Variants in NUDCD1 observed in about 807,000 individuals in gnomAD.
NUDCD1 encodes nudC domain-containing protein 1.
NUDCD1 carries 60 observed loss-of-function variants against 67.8 expected under a neutral mutation model. The observed-to-expected ratio is 0.88, with a 90% CI of 0.72 to 1.10. The LOEUF (loss-of-function observed/expected upper bound fraction) is 1.10, where lower values mean the gene tolerates loss of function less well. Among genes scored for constraint, NUDCD1 ranks in the 50% least tolerant of loss-of-function variants. NUDCD1 has a pLI of 0.00. For synonymous variants in NUDCD1, 244 were observed against 230.8 expected (o/e 1.06, Z -0.52); for missense variants, 643 against 695.0 (o/e 0.93, Z 0.84).
At chr8:109,311,750 A>G (rs570670223) in intron 2 of NUDCD1, among the ~76,000 whole-genome samples, 74 of 151,842 alleles carry the variant, frequency 4.9e-4, no homozygotes, top group African/African-American at 1.5e-3. Context: ...GAATGACACA[A>G]TGGACTTTGA....
intron 2 of NUDCD1, among the ~76,000 whole-genome samples, chr8:109,307,534 G>A (rs1435180790): frequency 1.3e-5 from 2 of 151,972 alleles, no homozygotes; most frequent in South Asian, 4.1e-4. Context: ...AACAGAACCT[G>A]TTTAAAGCAT....
chr8:109,281,170 G>A lies in NUDCD1; in HGVS notation c.826C>T (p.Pro276Ser). 1 of 1,602,410 alleles carries A rather than the reference G, an allele frequency of 6.2e-7. No individual in the cohort carries two copies. The highest frequency in any genetic ancestry group is 8.5e-7 in the Non-Finnish European group (1 of 1,172,634). ...TCAGTCTGTTGCCAGTAATACAGAGGTTCTATTGGGAAAAGAAAAATGCAT... is the reference window on the plus strand; with the variant it reads ...TCAGTCTGTTGCCAGTAATACAGAGATTCTATTGGGAAAAGAAAAATGCAT... ...DEDISEKIKE[P>S]LYYWQQTEDD... Residue 276 changes from proline (P) to serine (S), a missense_variant and splice_region_variant, in exon 6 of 10, where the codon CCT (proline) becomes TCT (serine). By Grantham distance (74) the Pro-to-Ser change is moderately conservative. Coordinates refer to ENST00000239690, the MANE Select transcript of NUDCD1 (RefSeq NM_032869.4).
chr8:109,267,947 G>A (rs1011004357), intron 8 of NUDCD1, among the ~76,000 whole-genome samples: 3 of 152,134 alleles, frequency 2.0e-5, no homozygotes, highest in African/African-American at 7.2e-5. Flanking sequence ...TGTTGTTTAG[G>A]GAAAATTATG....
At chr8:109,300,019 G>A (rs111540645) in intron 2 of NUDCD1, among the ~76,000 whole-genome samples, 11,804 of 152,140 alleles carry the variant, frequency 0.078, 675 homozygotes, top group South Asian at 0.22. Context: ...ACTACAGCTC[G>A]GCTCTCAGGA....
At chr8:109,330,962 T>G (rs540356154) in intron 1 of NUDCD1, among the ~76,000 whole-genome samples, 1 of 151,892 alleles carries the variant, frequency 6.6e-6, no homozygotes, top group Admixed American at 6.6e-5. Context: ...AGGTGATGGG[T>G]TGACGGGTGC....
intron 1 of NUDCD1, among the ~76,000 whole-genome samples, chr8:109,331,587 A>C (rs1319396547): frequency 6.6e-6 from 1 of 152,098 alleles, no homozygotes; most frequent in Non-Finnish European, 1.5e-5. Flanking sequence ...CAAACACAGA[A>C]TCTAAGATTA....
In NUDCD1 at chr8:109,269,947, A is replaced by T. The variant is rs1315825655; in HGVS notation, c.1299+1058T>A. Among the ~76,000 whole-genome samples the T allele has an allele frequency of 1.3e-3, 29 of 22,370 alleles. No homozygotes were observed. In the African/African-American group the frequency reaches 0.018, roughly 14 times the overall value. 14.7% of individuals were successfully genotyped at this position (22,370 alleles called of 152,430 possible). The stretch of plus-strand genomic sequence containing the variant: ...GAATATCTAATAAGGTTCTAAATTA[A>T]AAAAAAAAAAAAAAAAATCTACATC... On this transcript the variant is annotated intron_variant, in intron 8 of 9. Transcript: ENST00000239690.
intron 1 of NUDCD1, among the ~76,000 whole-genome samples, chr8:109,330,475 T>C (rs1815780655): frequency 6.6e-6 from 1 of 152,214 alleles, no homozygotes; most frequent in African/African-American, 2.4e-5. Context: ...TCACTATCTC[T>C]AGAAATGATA....
Position 109,245,330 on chromosome 8 carries a change from T to C in NUDCD1, c.1451A>G (p.Asn484Ser), listed in dbSNP as rs377486549. 98 of 1,612,648 alleles carry C rather than the reference T, an allele frequency of 6.1e-5. No homozygotes were observed. Among genetic ancestry groups the C allele is most frequent in the African/African-American group, 1.6e-4 (12 of 74,876 alleles). ...AAGAGTTTGCTTTATACCTAAAGCA[T>C]TGAAAGTTGCGATGTGCTCCCACAT... is the stretch of plus-strand genomic sequence containing the variant. ...DDMWEHIATF[N>S]ALGYVQASKR... The change falls in exon 9 of 10, where the codon AAT becomes AGT. Residue 484 changes from asparagine (N) to serine (S), a missense_variant. Coordinates refer to ENST00000239690, the MANE Select transcript of NUDCD1 (RefSeq NM_032869.4).
chr8:109,285,353 A>G (rs1726893817), intron 5 of NUDCD1, among the ~76,000 whole-genome samples: 1 of 152,132 alleles, frequency 6.6e-6, no homozygotes. Flanking sequence ...CCTGGCAAAG[A>G]CACACACAAA....
Position 109,280,944 on chromosome 8 carries a change from TAAAGTA to T in NUDCD1, c.1028+18_1028+23del. The T allele has an allele frequency of 9.1e-7, 1 of 1,103,238 alleles. No individual in the cohort carries two copies. The allele number at this position is 1,103,238 out of a possible 1,614,324, so 68.3% of individuals were successfully genotyped here. On this transcript the variant is annotated intron_variant, in intron 6 of 9. Coordinates refer to ENST00000239690, the MANE Select transcript of NUDCD1 (RefSeq NM_032869.4). ...AAAAGAAAAAAAGATAATAGAATAT[TAAAGTA>T]AAATTAAAAAAAAATACCTATTACT...
intron 8 of NUDCD1, among the ~76,000 whole-genome samples, chr8:109,263,616 T>G (rs1813921251): frequency 6.6e-6 from 1 of 152,202 alleles, no homozygotes; most frequent in Non-Finnish European, 1.5e-5. Context: ...ACTATTATTC[T>G]GTAACTTTCT....
Position 109,241,245 on chromosome 8 carries a change from T to A in NUDCD1, c.*1764A>T, listed in dbSNP as rs1300940947. On this transcript the variant is annotated 3_prime_UTR_variant, in exon 10 of 10. Transcript: ENST00000239690. ...GCAAAAAAATCACATGCACAAAGAATATTGATTACTAAAATTGGCAATATA... is the reference window on the plus strand; with the variant it reads ...GCAAAAAAATCACATGCACAAAGAAAATTGATTACTAAAATTGGCAATATA... The A allele has an allele frequency of 1.3e-5, 2 of 152,168 alleles. No individual in the cohort carries two copies. The highest frequency in any genetic ancestry group is 2.9e-5 in the Non-Finnish European group (2 of 68,042). The allele number at this position is 152,168 out of a possible 1,614,324, so 9.4% of individuals were successfully genotyped here. A position where few individuals can be genotyped will look rare whatever the true frequency, so the allele number is the denominator to read the frequency against.
chr8:109,269,558 C>T lies in NUDCD1; in HGVS notation c.1299+1447G>A, dbSNP rs143350337. On this transcript the variant is annotated intron_variant, in intron 8 of 9. Coordinates refer to ENST00000239690, the MANE Select transcript of NUDCD1 (RefSeq NM_032869.4). ...CAGCTTCCCATGACACTTTTAACTT[C>T]GGTTACATGAATTCTGCTAGAATAC... 7.0e-3 allele frequency among the ~76,000 whole-genome samples: 1,071 copies of T among 152,246 alleles called. 4 individuals are homozygous for T. The highest frequency in any genetic ancestry group is 0.031 in the Middle Eastern group (9 of 294).
At chr8:109,283,035 C>T (rs1032676154) in intron 5 of NUDCD1, among the ~76,000 whole-genome samples, 3 of 152,004 alleles carry the variant, frequency 2.0e-5, no homozygotes, top group Non-Finnish European at 4.4e-5. Flanking sequence ...AATTGAAAAT[C>T]AATACAAAGA....
chr8:109,264,199 T>C (rs1366177848), intron 8 of NUDCD1, among the ~76,000 whole-genome samples: 1 of 152,166 alleles, frequency 6.6e-6, no homozygotes, highest in Non-Finnish European at 1.5e-5. Context: ...GAAACAACAG[T>C]CGACAAACTA....
intron 2 of NUDCD1, among the ~76,000 whole-genome samples, chr8:109,302,955 A>T (rs1378064306): frequency 6.6e-6 from 1 of 152,194 alleles, no homozygotes; most frequent in East Asian, 1.9e-4. Flanking sequence ...AATAAAGAAG[A>T]GTTGCAATTA....
At chr8:109,270,067 C>CGGGGGGGGGGGGG (rs1171291973) in intron 8 of NUDCD1, among the ~76,000 whole-genome samples, 1 of 4,570 alleles carries the variant, frequency 2.2e-4, no homozygotes. Context: ...GTGGCGGGGG[C>CGGGGGGGGGGGGG]GGGGGGGGGG....
intron 6 of NUDCD1, among the ~76,000 whole-genome samples, chr8:109,279,115 A>C (rs1299872006): frequency 6.6e-6 from 1 of 152,188 alleles, no homozygotes; most frequent in East Asian, 1.9e-4. Flanking sequence ...ATATACATTC[A>C]TTTATTTTGG....
Sources: gnomAD v4.1 joint callset for allele counts (sites outside exome capture counted in the v4.1 genomes callset) on GRCh38, gnomAD v4.1.1 for gene constraint, MANE v1.5 for transcripts, NCBI Gene and HGNC (gene_info 2026-07-23, HGNC 2026-07-21) for gene names.